KRABD5: variants seen among roughly 807,000 people sequenced by gnomAD.
KRABD5 encodes the protein KRAB domain-containing protein 5.
At chr16:31,722,502 G>T in the KRABD5 span, 3 of 1,045,586 alleles carry the variant, frequency 2.9e-6, no homozygotes, top group South Asian at 2.9e-5. Context: ...GTATCTTATT[G>T]AATATTTCAG....
the KRABD5 span, among the ~76,000 whole-genome samples, chr16:31,749,268 T>C: frequency 6.6e-6 from 1 of 152,192 alleles, no homozygotes; most frequent in Non-Finnish European, 1.5e-5. Flanking sequence ...TGTTGGGTTG[T>C]CAGGGACACA....
chr16:31,748,170 A>C, the KRABD5 span, among the ~76,000 whole-genome samples: 41 of 152,284 alleles, frequency 2.7e-4, 2 homozygotes, highest in Middle Eastern at 0.01. Context: ...TTTTTGTATA[A>C]GGTGTAAGGA....
chr16:31,754,051 G>C, the KRABD5 span: 2 of 953,216 alleles, frequency 2.1e-6, no homozygotes, highest in South Asian at 1.4e-5. Flanking sequence ...GTTTCTGTAA[G>C]TAAGTGTCAA....
At chr16:31,722,586 C>T in the KRABD5 span, 1 of 1,606,406 alleles carries the variant, frequency 6.2e-7, no homozygotes, top group East Asian at 2.3e-5. Flanking sequence ...GAACTCTGCC[C>T]ATGGCCACAT....
chr16:31,758,304 G>T, the KRABD5 span: 1 of 152,130 alleles, frequency 6.6e-6, no homozygotes, highest in East Asian at 1.9e-4. Context: ...CATCTCTACT[G>T]TGTGAATAAA....
chr16:31,752,855 C>CT, the KRABD5 span, among the ~76,000 whole-genome samples: 1 of 152,086 alleles, frequency 6.6e-6, no homozygotes, highest in Non-Finnish European at 1.5e-5. Flanking sequence ...AAGACCTTGT[C>CT]TATAAGACAA....
the KRABD5 span, among the ~76,000 whole-genome samples, chr16:31,745,542 A>G: frequency 6.6e-6 from 1 of 152,058 alleles, no homozygotes; most frequent in Non-Finnish European, 1.5e-5. Flanking sequence ...ACTTCCAATT[A>G]TGTGGTTGAT....
At chr16:31,713,525 G>A in the KRABD5 span, 1 of 1,495,016 alleles carries the variant, frequency 6.7e-7, no homozygotes, top group Non-Finnish European at 9.0e-7. Flanking sequence ...TCGGGGTCTG[G>A]GCCCTGAGTC....
chr16:31,748,258 C>T, the KRABD5 span, among the ~76,000 whole-genome samples: 2 of 152,166 alleles, frequency 1.3e-5, no homozygotes, highest in Non-Finnish European at 2.9e-5. Flanking sequence ...ATCCTTTCCC[C>T]ATTTCTAGTT....
the KRABD5 span, among the ~76,000 whole-genome samples, chr16:31,735,291 A>G: frequency 6.6e-6 from 1 of 151,380 alleles, no homozygotes; most frequent in Non-Finnish European, 1.5e-5. Flanking sequence ...TTTACACCAC[A>G]TTTTCTTTAT....
chr16:31,718,748 C>T, the KRABD5 span, among the ~76,000 whole-genome samples: 1 of 152,190 alleles, frequency 6.6e-6, no homozygotes, highest in Non-Finnish European at 1.5e-5. Context: ...ATCCTGGCCC[C>T]ACAGAGTCAG....
chr16:31,730,543 G>A, the KRABD5 span, among the ~76,000 whole-genome samples: 3 of 152,012 alleles, frequency 2.0e-5, no homozygotes, highest in Non-Finnish European at 4.4e-5. Context: ...TCTTCATTAG[G>A]TTCTTCTTGC....
chr16:31,724,498 T>TA, the KRABD5 span, among the ~76,000 whole-genome samples: 1 of 151,438 alleles, frequency 6.6e-6, no homozygotes, highest in Non-Finnish European at 1.5e-5. Flanking sequence ...CCATCCTGGC[T>TA]AACACGATGA....
the KRABD5 span, among the ~76,000 whole-genome samples, chr16:31,722,359 G>A: frequency 2.0e-5 from 3 of 152,168 alleles, no homozygotes; most frequent in African/African-American, 4.8e-5. Flanking sequence ...GAGCTACCGC[G>A]CCCGGCCTCG....
chr16:31,756,009 CAGTG>C, the KRABD5 span: 1 of 158,710 alleles, frequency 6.3e-6, no homozygotes, highest in Non-Finnish European at 1.4e-5. Context: ...AGTAATTATT[CAGTG>C]AGCATGTTAT....
chr16:31,749,947 T>C, the KRABD5 span, among the ~76,000 whole-genome samples: 1 of 152,244 alleles, frequency 6.6e-6, no homozygotes, highest in South Asian at 2.1e-4. Flanking sequence ...TGTAGGCTTA[T>C]AGTATAGTTT....
the KRABD5 span, among the ~76,000 whole-genome samples, chr16:31,732,422 C>T: frequency 3.7e-4 from 56 of 152,200 alleles, no homozygotes; most frequent in East Asian, 6.9e-3. Context: ...CTGAAATGTA[C>T]GCATTGTATA....
the KRABD5 span, among the ~76,000 whole-genome samples, chr16:31,752,368 TG>T: frequency 6.6e-6 from 1 of 152,196 alleles, no homozygotes; most frequent in Non-Finnish European, 1.5e-5. Context: ...ATGATGTCCA[TG>T]GGATGTTGAA....
the KRABD5 span, among the ~76,000 whole-genome samples, chr16:31,740,292 A>G: frequency 2.0e-5 from 3 of 152,124 alleles, no homozygotes; most frequent in Non-Finnish European, 2.9e-5. Context: ...TCCTGACCAT[A>G]TACTTTCAAA....
Sources: allele counts gnomAD v4.1 joint callset (sites outside exome capture counted in the v4.1 genomes callset), GRCh38; gene constraint gnomAD v4.1.1; transcripts MANE v1.5; gene names NCBI Gene and HGNC (gene_info 2026-07-23, HGNC 2026-07-21).